The following SRSF11 variants were observed in gnomAD, a reference collection of about 807,000 sequenced individuals.
SRSF11 encodes the protein serine/arginine-rich splicing factor 11.
Under a neutral mutation model 56.0 loss-of-function variants are expected in SRSF11, and 9 were observed. That is an observed-to-expected ratio of 0.16 (90% CI 0.10 to 0.28). The LOEUF is 0.28. SRSF11 is among the 10% of genes least tolerant of loss of function. The pLI is 1.00. For synonymous variants in SRSF11, 222 were observed against 215.3 expected (o/e 1.03, Z -0.27); for missense variants, 421 against 600.7 (o/e 0.70, Z 3.13).
chr1:70,239,154 C>A (rs1427107387), intron 6 of SRSF11, among the ~76,000 whole-genome samples: 2 of 152,124 alleles, frequency 1.3e-5, no homozygotes, highest in Non-Finnish European at 2.9e-5. Context: ...TGCAGTGGTG[C>A]AATCACAGCT....
intron 1 of SRSF11, among the ~76,000 whole-genome samples, chr1:70,210,163 C>A (rs933443672): frequency 6.6e-6 from 1 of 150,600 alleles, no homozygotes; most frequent in Non-Finnish European, 1.5e-5. Context: ...TCCCGCCCCC[C>A]TTTTTTTTTC....
At chr1:70,247,011 A>G (rs757483984) in intron 9 of SRSF11, 104 bp downstream of exon 9, 117 of 1,142,412 alleles carry the variant, frequency 1.0e-4, no homozygotes, top group Non-Finnish European at 1.2e-4. Flanking sequence ...TAAGTATTTC[A>G]GTGTTGAAAA....
At position 70,246,828 on chromosome 1, in the gene SRSF11, AAAG is replaced by A. The variant is rs1676877609; in HGVS notation, c.948_950del (p.Glu316del). ...GTGTTCATTTGTTAGAGACAAAAAG[AAAG>A]AAGACAAAGAAAAGAAACGTTCTAA... On this transcript the variant is annotated inframe_deletion, in exon 9 of 12. Coordinates refer to ENST00000370949, the MANE Select transcript of SRSF11 (RefSeq NM_001350605.2). The A allele has an allele frequency of 6.2e-7, 1 of 1,609,022 alleles. No individual in the cohort carries two copies. The highest frequency in any genetic ancestry group is 1.1e-5 in the South Asian group (1 of 89,868).
intron 6 of SRSF11, 62 bp downstream of exon 6, chr1:70,237,614 G>T: frequency 1.3e-6 from 2 of 1,595,340 alleles, no homozygotes; most frequent in Non-Finnish European, 8.5e-7. Context: ...TGACATAAAT[G>T]TGGAATTGTG....
chr1:70,224,707 T>G (rs1363663431), intron 1 of SRSF11, among the ~76,000 whole-genome samples: 1 of 152,156 alleles, frequency 6.6e-6, no homozygotes, highest in Non-Finnish European at 1.5e-5. Flanking sequence ...GGCCTGTAAT[T>G]TTACTGAGAA....
chr1:70,227,818 A>T (rs779431963), intron 1 of SRSF11, among the ~76,000 whole-genome samples: 5 of 152,038 alleles, frequency 3.3e-5, no homozygotes, highest in Non-Finnish European at 7.4e-5. Flanking sequence ...ACGTAGTACT[A>T]CTCCCATGTG....
Position 70,228,478 on chromosome 1 carries a change from A to G in SRSF11, c.260A>G (p.Asp87Gly). ...RVCFVKFHDP[D>G]SAVVAQHLTN... Reference sequence around the variant, plus strand: ...TGCTTTGTTAAGTTCCATGATCCAGACTCAGCAGTTGTGGCACAGCATCTG... The same window carrying G: ...TGCTTTGTTAAGTTCCATGATCCAGGCTCAGCAGTTGTGGCACAGCATCTG... Residue 87 changes from aspartate (D) to glycine (G), a missense_variant, in exon 2 of 12, where the codon GAC becomes GGC. By Grantham distance (94) the Asp-to-Gly change is moderately conservative (BLOSUM62 -1). Transcript: ENST00000370949. 6.2e-7 allele frequency: 1 copy of G among 1,613,398 alleles called. No individual in the cohort carries two copies. The highest frequency in any genetic ancestry group is 8.5e-7 in the Non-Finnish European group (1 of 1,179,666).
chr1:70,216,389 C>T (rs890442052), upstream of SRSF11, among the ~76,000 whole-genome samples: 9 of 150,706 alleles, frequency 6.0e-5, no homozygotes, highest in African/African-American at 2.0e-4. Flanking sequence ...AAATCATGCA[C>T]TTTTCTATAA....
intron 2 of SRSF11, chr1:70,230,438 A>G: frequency 1.7e-6 from 2 of 1,181,610 alleles, no homozygotes; most frequent in East Asian, 6.6e-5. Context: ...TAAAACTAAG[A>G]TAGCTGAATT....
chr1:70,223,932 T>G (rs1268015882), intron 1 of SRSF11, among the ~76,000 whole-genome samples: 1 of 152,204 alleles, frequency 6.6e-6, no homozygotes, highest in African/African-American at 2.4e-5. Context: ...GTTGGCCTTC[T>G]TCATCTCTGG....
chr1:70,225,937 A>G (rs377023256), intron 1 of SRSF11, among the ~76,000 whole-genome samples: 3 of 152,292 alleles, frequency 2.0e-5, no homozygotes, highest in East Asian at 3.9e-4. Flanking sequence ...TCTTATTAAG[A>G]TAAATTTTAT....
chr1:70,217,458 T>C (rs1670117676), upstream of SRSF11, among the ~76,000 whole-genome samples: 1 of 152,062 alleles, frequency 6.6e-6, no homozygotes, highest in African/African-American at 2.4e-5. Context: ...CGCCTGGCTG[T>C]GTTGTTTTTT....
intron 9 of SRSF11, chr1:70,247,166 ATAGTTT>A (rs1232813402): frequency 3.1e-6 from 3 of 963,246 alleles, no homozygotes; most frequent in Non-Finnish European, 3.9e-6. Context: ...TTTTCTCTTT[ATAGTTT>A]AAGTTTTAAT....
chr1:70,246,815 T>TA lies in SRSF11; in HGVS notation c.933-2dup. 6.2e-7 allele frequency: 1 copy of TA among 1,601,970 alleles called. No homozygotes were observed. The highest frequency in any genetic ancestry group is 1.1e-5 in the South Asian group (1 of 88,890). On this transcript the variant is annotated splice_polypyrimidine_tract_variant and splice_region_variant and intron_variant, in intron 8 of 11. Coordinates refer to ENST00000370949, the MANE Select transcript of SRSF11 (RefSeq NM_001350605.2). ...GCATTCATAAATTGTGTTCATTTGT[T>TA]AGAGACAAAAAGAAAGAAGACAAAG...
chr1:70,209,905 A>T (rs1669403197), intron 1 of SRSF11, among the ~76,000 whole-genome samples: 1 of 150,924 alleles, frequency 6.6e-6, no homozygotes, highest in African/African-American at 2.4e-5. Flanking sequence ...GGCCAAGAAG[A>T]CATTCTTTTC....
chr1:70,229,919 G>T, intron 2 of SRSF11: 3 of 985,392 alleles, frequency 3.0e-6, no homozygotes, highest in Non-Finnish European at 3.6e-6. Context: ...TTGAGTTAGT[G>T]TGTTTTGGTT....
At chr1:70,236,752 A>G (rs569461741) in intron 5 of SRSF11, among the ~76,000 whole-genome samples, 1 of 151,480 alleles carries the variant, frequency 6.6e-6, no homozygotes, top group East Asian at 1.9e-4. Flanking sequence ...CCTACAAAGT[A>G]AAAGGTAATG....
At chr1:70,212,340 T>C (rs552671155) in intron 1 of SRSF11, among the ~76,000 whole-genome samples, 1 of 152,130 alleles carries the variant, frequency 6.6e-6, no homozygotes, top group African/African-American at 2.4e-5. Context: ...CACTGCAACC[T>C]CCACCTCCTG....
chr1:70,241,806 C>T (rs1238836020), intron 7 of SRSF11, among the ~76,000 whole-genome samples: 5 of 152,210 alleles, frequency 3.3e-5, no homozygotes, highest in African/African-American at 4.8e-5. Context: ...TTAGTTTAAC[C>T]TCTGCAATAG....
Sources: allele counts gnomAD v4.1 joint callset (sites outside exome capture counted in the v4.1 genomes callset), GRCh38; gene constraint gnomAD v4.1.1; transcripts MANE v1.5; gene names NCBI Gene and HGNC (gene_info 2026-07-23, HGNC 2026-07-21).